BCL2: variants seen among roughly 807,000 people sequenced by gnomAD.
BCL2 encodes the protein BCL2 apoptosis regulator, also known as apoptosis regulator Bcl-2.
BCL2 carries 1 observed loss-of-function variant against 14.2 expected under a neutral mutation model. The observed-to-expected ratio is 0.07, with a 90% CI of 0.02 to 0.33. The LOEUF is 0.33. Ranked by LOEUF, BCL2 falls within the 10% of genes least tolerant of loss-of-function variation. BCL2 has a pLI of 0.99. For synonymous variants in BCL2, 151 were observed against 137.2 expected (o/e 1.10, Z -0.70); for missense variants, 247 against 305.9 (o/e 0.81, Z 1.44).
intron 2 of BCL2, among the ~76,000 whole-genome samples, chr18:63,301,273 T>C (rs1912953421): frequency 6.6e-6 from 1 of 151,908 alleles, no homozygotes; most frequent in Non-Finnish European, 1.5e-5. Context: ...TTTGGAATGA[T>C]GAACAAGTTC....
intron 2 of BCL2, among the ~76,000 whole-genome samples, chr18:63,224,970 A>T (rs552214224): frequency 1.5e-4 from 23 of 152,266 alleles, no homozygotes; most frequent in Non-Finnish European, 2.9e-4. Context: ...AAATCTCAGG[A>T]TGTCAGCTAT....
At chr18:63,167,978 A>T (rs1216933981) in intron 2 of BCL2, among the ~76,000 whole-genome samples, 1 of 152,116 alleles carries the variant, frequency 6.6e-6, no homozygotes, top group African/African-American at 2.4e-5. Flanking sequence ...CAGGAGGATC[A>T]CTTGAGCCCG....
chr18:63,162,621 G>T (rs1599217471), intron 2 of BCL2, among the ~76,000 whole-genome samples: 1 of 151,264 alleles, frequency 6.6e-6, no homozygotes, highest in East Asian at 1.9e-4. Flanking sequence ...GAACTCATTT[G>T]CCTGCTTTGT....
At chr18:63,177,211 TA>T (rs1353104508) in intron 2 of BCL2, among the ~76,000 whole-genome samples, 1 of 152,072 alleles carries the variant, frequency 6.6e-6, no homozygotes, top group Non-Finnish European at 1.5e-5. Context: ...TTTTCAAAAG[TA>T]AAAAATAAAT....
At chr18:63,285,002 T>C (rs1912430842) in intron 2 of BCL2, among the ~76,000 whole-genome samples, 1 of 152,158 alleles carries the variant, frequency 6.6e-6, no homozygotes, top group Admixed American at 6.5e-5. Flanking sequence ...TCAGACTTGC[T>C]GCAGGCAAAA....
chr18:63,197,760 C>T (rs376317139), intron 2 of BCL2, among the ~76,000 whole-genome samples: 2 of 151,892 alleles, frequency 1.3e-5, no homozygotes, highest in Admixed American at 6.5e-5. Context: ...CATTCTTTGC[C>T]AATCGTCACC....
intron 2 of BCL2, among the ~76,000 whole-genome samples, chr18:63,278,669 TCACCA>T (rs1912225227): frequency 6.6e-6 from 1 of 152,182 alleles, no homozygotes; most frequent in South Asian, 2.1e-4. Flanking sequence ...ATCTCTCTCC[TCACCA>T]CAGCAAGACC....
intron 2 of BCL2, among the ~76,000 whole-genome samples, chr18:63,244,870 C>G (rs1415674067): frequency 6.6e-6 from 1 of 152,204 alleles, no homozygotes; most frequent in East Asian, 1.9e-4. Flanking sequence ...TTTTGGATGT[C>G]AGATCCACCA....
At chr18:63,261,866 A>G (rs1911670673) in intron 2 of BCL2, among the ~76,000 whole-genome samples, 1 of 150,774 alleles carries the variant, frequency 6.6e-6, no homozygotes, top group Non-Finnish European at 1.5e-5. Context: ...TGCAACCTCT[A>G]CCTCCCAGGT....
chr18:63,179,197 G>C (rs74625348), intron 2 of BCL2, among the ~76,000 whole-genome samples: 32,678 of 152,028 alleles, frequency 0.21, 4,023 homozygotes, highest in East Asian at 0.36. Context: ...GGAATGAATG[G>C]TCCACCCACC....
intron 2 of BCL2, among the ~76,000 whole-genome samples, chr18:63,242,187 G>A (rs576607338): frequency 4.9e-4 from 74 of 152,308 alleles, no homozygotes; most frequent in African/African-American, 1.6e-3. Flanking sequence ...CAAGTAATGG[G>A]ATGAATTCTG....
At chr18:63,195,284 A>C (rs532777896) in intron 2 of BCL2, among the ~76,000 whole-genome samples, 5 of 152,256 alleles carry the variant, frequency 3.3e-5, no homozygotes, top group African/African-American at 7.2e-5. Flanking sequence ...TTTCATCTCT[A>C]TCTCCTCACT....
intron 2 of BCL2, among the ~76,000 whole-genome samples, chr18:63,268,201 C>T (rs570350676): frequency 5.9e-4 from 90 of 152,226 alleles, no homozygotes; most frequent in African/African-American, 1.8e-3. Flanking sequence ...GAGGGAACAC[C>T]AAGTGTATGC....
At chr18:63,268,520 C>G (rs74448634) in intron 2 of BCL2, among the ~76,000 whole-genome samples, 1,854 of 152,264 alleles carry the variant, frequency 0.012, 35 homozygotes, top group African/African-American at 0.04. Context: ...CAGTTTTTTT[C>G]ACTTATAAAA....
At chr18:63,256,745 C>A (rs1356074611) in intron 2 of BCL2, among the ~76,000 whole-genome samples, 3 of 152,158 alleles carry the variant, frequency 2.0e-5, no homozygotes, top group Non-Finnish European at 4.4e-5. Context: ...CGATCCAACT[C>A]TCCCACTTCA....
chr18:63,159,340 A>C (rs1317960820), intron 2 of BCL2, among the ~76,000 whole-genome samples: 1 of 152,194 alleles, frequency 6.6e-6, no homozygotes, highest in Non-Finnish European at 1.5e-5. Flanking sequence ...AGACATCAAC[A>C]TTAACTCTGT....
chr18:63,137,938 T>C (rs546642679), intron 2 of BCL2, among the ~76,000 whole-genome samples: 2 of 152,196 alleles, frequency 1.3e-5, no homozygotes, highest in Admixed American at 6.5e-5. Context: ...TATGCAAACG[T>C]AGAGACCACT....
intron 2 of BCL2, among the ~76,000 whole-genome samples, chr18:63,197,224 G>A (rs1012024389): frequency 2.0e-5 from 3 of 152,190 alleles, no homozygotes; most frequent in African/African-American, 4.8e-5. Context: ...AGTCCAACCC[G>A]GCTAAGCGCC....
intron 2 of BCL2, among the ~76,000 whole-genome samples, chr18:63,272,506 T>A (rs1475810082): frequency 6.6e-6 from 1 of 152,112 alleles, no homozygotes; most frequent in Non-Finnish European, 1.5e-5. Flanking sequence ...TTGCTCTCCA[T>A]GTAAAAAAAA....
Sources: allele counts gnomAD v4.1 joint callset (sites outside exome capture counted in the v4.1 genomes callset), GRCh38; gene constraint gnomAD v4.1.1; transcripts MANE v1.5; gene names NCBI Gene and HGNC (gene_info 2026-07-23, HGNC 2026-07-21).